The following IPO8 variants were observed in gnomAD, a reference collection of about 807,000 sequenced individuals.
The protein encoded by IPO8 is importin-8.
Under a neutral mutation model 141.2 loss-of-function variants are expected in IPO8, and 65 were observed. That is an observed-to-expected ratio of 0.46 (90% CI 0.38 to 0.57). The LOEUF (loss-of-function observed/expected upper bound fraction) is 0.57. IPO8 is among the 20% of genes least tolerant of loss of function. IPO8 has a pLI of 0.00. For synonymous variants in IPO8, 411 were observed against 420.3 expected (o/e 0.98, Z 0.27); for missense variants, 980 against 1,246.8 (o/e 0.79, Z 3.22).
chr12:30,642,604 G>A (rs2052589658), intron 20 of IPO8, among the ~76,000 whole-genome samples: 2 of 150,896 alleles, frequency 1.3e-5, no homozygotes, highest in Admixed American at 1.3e-4. Context: ...TATATATGTA[G>A]CTAATTATCA....
intron 8 of IPO8, 72 bp from the exon 9 acceptor site, chr12:30,671,168 C>A: frequency 1.0e-6 from 1 of 970,578 alleles, no homozygotes; most frequent in South Asian, 1.6e-5. Flanking sequence ...CCATTTTTGG[C>A]ATGACCTAAA....
Position 30,695,572 on chromosome 12 carries a change from G to C in IPO8, c.76C>G (p.Leu26Val). The C allele has an allele frequency of 6.2e-7, 1 of 1,613,928 alleles. No homozygotes were observed. Among genetic ancestry groups the C allele is most frequent in the Middle Eastern group, 1.7e-4 (1 of 6,054 alleles). ...PKLRIAAENE[L>V]NQSYKIINFA... ...GAAGACCCTCTCCTCACCTGGTTGA[G>C]CTCGTTCTCGGCTGCAATCCGCAAC... The change falls in exon 1 of 25, where the codon CTC (leucine) becomes GTC (valine). Residue 26 changes from leucine to valine, a missense_variant. Transcript: ENST00000256079. The surrounding 1 kb of genome is among the most constrained non-coding windows in gnomAD (Gnocchi z 4.2).
intron 20 of IPO8, among the ~76,000 whole-genome samples, chr12:30,641,274 G>A (rs548100926): frequency 7.9e-5 from 12 of 152,208 alleles, no homozygotes; most frequent in African/African-American, 1.2e-4. Flanking sequence ...GTATGCTACC[G>A]TTTACCTAAG....
intron 22 of IPO8, among the ~76,000 whole-genome samples, chr12:30,635,952 A>T (rs1326072929): frequency 6.6e-6 from 1 of 152,122 alleles, no homozygotes; most frequent in Non-Finnish European, 1.5e-5. Context: ...AAGAAATTAG[A>T]GATCATAACA....
At position 30,634,079 on chromosome 12, in the gene IPO8, A is replaced by G. The variant is rs760544726; in HGVS notation, c.2899+4T>C. On this transcript the variant is annotated splice_donor_region_variant and intron_variant, in intron 23 of 24. Coordinates refer to ENST00000256079, the MANE Select transcript of IPO8 (RefSeq NM_006390.4). Reference sequence around the variant, plus strand: ...TCAGAAGATGTGGGGAAGTAAAGACATACTTATCAGAGCTTGTGTAAAAAA... The same window carrying G: ...TCAGAAGATGTGGGGAAGTAAAGACGTACTTATCAGAGCTTGTGTAAAAAA... The G allele has an allele frequency of 1.9e-6, 3 of 1,609,566 alleles. No individual in the cohort carries two copies. The highest frequency in any genetic ancestry group is 1.7e-5 in the Admixed American group (1 of 59,950).
chr12:30,685,500 TTGTGTGTGTGTG>T (rs112645384), intron 2 of IPO8, among the ~76,000 whole-genome samples: 3 of 148,556 alleles, frequency 2.0e-5, no homozygotes, highest in African/African-American at 7.4e-5. Context: ...ACTTATAATG[TTGTGTGTGTGTG>T]TGTGTGTGTG....
At chr12:30,656,488 T>C (rs1044052335) in intron 17 of IPO8, among the ~76,000 whole-genome samples, 196 bp downstream of exon 17, 3 of 152,200 alleles carry the variant, frequency 2.0e-5, no homozygotes, top group Non-Finnish European at 4.4e-5. Context: ...AAATTATTCG[T>C]TGGATGTATA....
rs1263356465 is a variant in IPO8, at chr12:30,629,848, T to C, written c.*1012A>G. 6.6e-6 allele frequency: 1 copy of C among 152,076 alleles called. No homozygotes were observed. The highest frequency in any genetic ancestry group is 2.4e-5 in the African/African-American group (1 of 41,402). 9.4% of individuals were successfully genotyped at this position (152,076 alleles called of 1,614,324 possible). ...AGAAGTTAGATTTGTTTGGGTCTTT[T>C]TCCTAGATTAAAAAAAAATATTATA... On this transcript the variant is annotated 3_prime_UTR_variant, in exon 25 of 25. Coordinates refer to ENST00000256079, the MANE Select transcript of IPO8 (RefSeq NM_006390.4).
chr12:30,662,048 A>G (rs571714064), intron 15 of IPO8, among the ~76,000 whole-genome samples: 14 of 152,334 alleles, frequency 9.2e-5, no homozygotes, highest in African/African-American at 2.9e-4. Context: ...GGCATAGCCT[A>G]TTGCTCCAAG....
At position 30,639,479 on chromosome 12, in the gene IPO8, A is replaced by T. The variant is rs554370953; in HGVS notation, c.2489+36T>A. On this transcript the variant is annotated intron_variant, in intron 21 of 24. Transcript: ENST00000256079. ...AATATTAAAAAGCAAACTTTCCAGA[A>T]ACAGAAAAGCAGTGTAAAATCCAAA... 2.9e-5 allele frequency: 41 copies of T among 1,410,826 alleles called. No homozygotes were observed. In the African/African-American group the frequency reaches 5.1e-4, roughly 18 times the overall value. The allele number at this position is 1,410,826 out of a possible 1,614,324, so 87.4% of individuals were successfully genotyped here. A position where few individuals can be genotyped will look rare whatever the true frequency, so the allele number is the denominator to read the frequency against.
chr12:30,686,478 G>GT (rs1313700337), intron 2 of IPO8: 1 of 152,112 alleles, frequency 6.6e-6, no homozygotes, highest in Non-Finnish European at 1.5e-5. Context: ...CTCTCAAGTA[G>GT]TTGGGAATAC....
intron 15 of IPO8, among the ~76,000 whole-genome samples, chr12:30,662,037 T>C (rs934306990): frequency 6.6e-6 from 1 of 152,210 alleles, no homozygotes; most frequent in Non-Finnish European, 1.5e-5. Flanking sequence ...CAAATCTAGA[T>C]GGCATAGCCT....
chr12:30,678,124 CA>C (rs35828691), intron 5 of IPO8, among the ~76,000 whole-genome samples: 21,132 of 76,552 alleles, frequency 0.28, 1,344 homozygotes, highest in East Asian at 0.38. Context: ...GACTCCATCT[CA>C]AAAAAAAAAA....
At position 30,661,267 on chromosome 12, in the gene IPO8, CT is replaced by C; in HGVS notation, c.1756-2del. ...GAAGAACTTTGCCAAATATCTCAGC[CT>C]ATGAAAATAACATTAAAGTATTCCG... On this transcript the variant is annotated splice_acceptor_variant, in intron 15 of 24. Coordinates refer to ENST00000256079, the MANE Select transcript of IPO8 (RefSeq NM_006390.4). LOFTEE classifies it high-confidence loss of function. The C allele has an allele frequency of 1.3e-6, 2 of 1,580,368 alleles. No homozygotes were observed. The highest frequency in any genetic ancestry group is 8.6e-7 in the Non-Finnish European group (1 of 1,166,672).
chr12:30,660,947 A>AT, intron 16 of IPO8, among the ~76,000 whole-genome samples, 194 bp downstream of exon 16: 1 of 32,912 alleles, frequency 3.0e-5, no homozygotes, highest in Non-Finnish European at 6.4e-5. Flanking sequence ...TAATATTACA[A>AT]ATATTATGAT....
chr12:30,681,530 G>T, intron 4 of IPO8, 129 bp downstream of exon 4: 1 of 816,684 alleles, frequency 1.2e-6, no homozygotes, highest in Non-Finnish European at 1.9e-6. Flanking sequence ...ATTTAAGCAT[G>T]TTTAACCCAA....
Position 30,639,654 on chromosome 12 carries a change from G to C in IPO8, c.2350C>G (p.Gln784Glu). The C allele has an allele frequency of 1.2e-6, 2 of 1,614,126 alleles. No homozygotes were observed. Among genetic ancestry groups the C allele is most frequent in the Non-Finnish European group, 1.7e-6 (2 of 1,180,004 alleles). The change falls in exon 21 of 25, where the codon CAG becomes GAG. Residue 784 changes from glutamine (Q) to glutamate (E), a missense_variant. Physicochemically the swap from Gln to Glu is conservative, Grantham distance 29. Around this residue, in one of 3 missense-constraint regions of IPO8, gnomAD observed 924 missense variants for 1,153.9 expected, o/e 0.80. Coordinates refer to ENST00000256079, the MANE Select transcript of IPO8 (RefSeq NM_006390.4). The part of the protein sequence containing the change: ...KTSELRTMCL[Q>E]VAIAALYYNP... ...TAGTACAAGGCAGCAATTGCAACCT[G>C]AAGACACATAGTACGAAGCTCACTA...
chr12:30,648,953 T>C (rs1209236511), intron 20 of IPO8, among the ~76,000 whole-genome samples, 184 bp downstream of exon 20: 1 of 152,156 alleles, frequency 6.6e-6, no homozygotes, highest in Non-Finnish European at 1.5e-5. Context: ...CTTTTTCAGC[T>C]ACAATGCAAG....
In IPO8 at chr12:30,684,434, C is replaced by CCA. The variant is rs2053219877; in HGVS notation, c.188_189dup (p.Val64TrpfsTer2). The CCA allele has an allele frequency of 6.2e-7, 1 of 1,613,616 alleles. No homozygotes were observed. The highest frequency in any genetic ancestry group is 1.3e-5 in the African/African-American group (1 of 74,884). ...TCTCGATCTGGCCAGTATTGTGTCA[C>CCA]CATGTTCTTCAGGTAAATGGCAGCT... On this transcript the variant is annotated frameshift_variant, in exon 3 of 25. Transcript: ENST00000256079. LOFTEE classifies it high-confidence loss of function.
Sources: allele counts gnomAD v4.1 joint callset (sites outside exome capture counted in the v4.1 genomes callset), GRCh38; gene constraint gnomAD v4.1.1; regional missense constraint gnomAD v4.1.1; non-coding constraint Gnocchi (gnomAD v3.1); transcripts MANE v1.5; gene names NCBI Gene and HGNC (gene_info 2026-07-23, HGNC 2026-07-21).